NOVA1: variants seen among roughly 807,000 people sequenced by gnomAD.
The protein encoded by NOVA1 is RNA-binding protein Nova-1.
A neutral mutation model predicts 38.0 loss-of-function variants in NOVA1; 7 were observed. The observed-to-expected ratio is 0.18, with a 90% CI of 0.10 to 0.35. The LOEUF (loss-of-function observed/expected upper bound fraction) is 0.35, where lower values mean the gene tolerates loss of function less well. Ranked by LOEUF, NOVA1 falls within the 10% of genes least tolerant of loss-of-function variation. The pLI is 1.00. For synonymous variants in NOVA1, 270 were observed against 232.5 expected, an observed-to-expected ratio of 1.16 and a Z score of -1.47; for missense variants, 460 against 616.0, an observed-to-expected ratio of 0.75 and a Z score of 2.68.
At chr14:26,476,804 C>T (rs1191451452) in intron 3 of NOVA1, among the ~76,000 whole-genome samples, 4 of 147,818 alleles carry the variant, frequency 2.7e-5, no homozygotes, top group East Asian at 3.9e-4. Context: ...GCAACCTCCA[C>T]AACCAGGGTT....
intron 4 of NOVA1, among the ~76,000 whole-genome samples, chr14:26,471,381 T>C (rs1029167629): frequency 5.9e-5 from 9 of 151,884 alleles, no homozygotes; most frequent in Non-Finnish European, 1.2e-4. Flanking sequence ...GTTAGTCAAC[T>C]ATATGAAAAA....
chr14:26,506,084 C>A (rs1161023495), intron 2 of NOVA1, among the ~76,000 whole-genome samples: 3 of 152,028 alleles, frequency 2.0e-5, no homozygotes, highest in Admixed American at 6.5e-5. Flanking sequence ...CAAATAGCAC[C>A]ATCAGTTAAA....
intron 2 of NOVA1, among the ~76,000 whole-genome samples, chr14:26,578,735 A>T (rs1661421350): frequency 6.6e-6 from 1 of 152,174 alleles, no homozygotes; most frequent in Non-Finnish European, 1.5e-5. Flanking sequence ...AAAGTAAAAA[A>T]TATTACAAAT....
At chr14:26,476,919 T>G (rs1367854597) in intron 3 of NOVA1, among the ~76,000 whole-genome samples, 1 of 149,632 alleles carries the variant, frequency 6.7e-6, no homozygotes, top group Non-Finnish European at 1.5e-5. Flanking sequence ...TTCTCTATGT[T>G]GGTCAGGCTG....
intron 1 of NOVA1, chr14:26,596,197 T>G (rs1894175883): frequency 4.2e-6 from 1 of 237,416 alleles, no homozygotes; most frequent in African/African-American, 2.3e-5. Context: ...CTTTAGCACT[T>G]CTTAGTCTAC....
chr14:26,524,114 T>A (rs1176504437), intron 2 of NOVA1, among the ~76,000 whole-genome samples: 2 of 152,144 alleles, frequency 1.3e-5, no homozygotes, highest in Non-Finnish European at 1.5e-5. Context: ...AGTGGTAAGA[T>A]TTGGCTTACT....
At chr14:26,533,483 C>A (rs1369458821) in intron 2 of NOVA1, among the ~76,000 whole-genome samples, 3 of 152,148 alleles carry the variant, frequency 2.0e-5, no homozygotes, top group Non-Finnish European at 4.4e-5. Flanking sequence ...GGTACAAATT[C>A]AGGAATAATC....
chr14:26,595,136 T>C (rs1894109270), intron 2 of NOVA1, among the ~76,000 whole-genome samples: 2 of 152,148 alleles, frequency 1.3e-5, no homozygotes, highest in South Asian at 4.1e-4. Context: ...ATCTTTAAAT[T>C]TTTGAGTTTT....
At chr14:26,582,553 C>T (rs1164546438) in intron 2 of NOVA1, among the ~76,000 whole-genome samples, 1 of 151,672 alleles carries the variant, frequency 6.6e-6, no homozygotes, top group East Asian at 1.9e-4. Flanking sequence ...GTGAACAATT[C>T]TCAATTATGT....
intron 2 of NOVA1, among the ~76,000 whole-genome samples, chr14:26,577,550 T>C (rs961704736): frequency 5.9e-5 from 9 of 152,144 alleles, no homozygotes; most frequent in Non-Finnish European, 1.3e-4. Flanking sequence ...TTCTGTAACA[T>C]TTACTTTTGT....
intron 2 of NOVA1, among the ~76,000 whole-genome samples, chr14:26,544,416 A>G (rs1236255214): frequency 6.6e-6 from 1 of 151,796 alleles, no homozygotes; most frequent in Non-Finnish European, 1.5e-5. Flanking sequence ...CCTACTTCTA[A>G]TCCCTGAACT....
chr14:26,479,827 T>C (rs1276012497), intron 3 of NOVA1, 150 bp downstream of exon 3: 2 of 732,818 alleles, frequency 2.7e-6, no homozygotes, highest in Non-Finnish European at 4.4e-6. Flanking sequence ...GATGAGACCT[T>C]GATAGTCTTT....
intron 2 of NOVA1, among the ~76,000 whole-genome samples, chr14:26,518,971 T>C (rs546394577): frequency 1.4e-4 from 22 of 152,060 alleles, no homozygotes; most frequent in Non-Finnish European, 2.9e-4. Context: ...TATGGTACTA[T>C]AGAGTTGCTT....
At chr14:26,594,915 C>A (rs1894088127) in intron 2 of NOVA1, among the ~76,000 whole-genome samples, 1 of 152,020 alleles carries the variant, frequency 6.6e-6, no homozygotes, top group African/African-American at 2.4e-5. Flanking sequence ...TCTGAAGAGG[C>A]AACACTTGTC....
intron 4 of NOVA1, among the ~76,000 whole-genome samples, chr14:26,466,671 T>G (rs1425135611): frequency 6.6e-6 from 1 of 152,244 alleles, no homozygotes; most frequent in Non-Finnish European, 1.5e-5. Flanking sequence ...CCAAAATTCA[T>G]GTGTTGGAAA....
chr14:26,523,807 G>A (rs373864034), intron 2 of NOVA1, among the ~76,000 whole-genome samples: 2 of 140,256 alleles, frequency 1.4e-5, no homozygotes, highest in Non-Finnish European at 1.5e-5. Context: ...CTGGTGTGCA[G>A]TGGCACAATC....
intron 4 of NOVA1, among the ~76,000 whole-genome samples, chr14:26,458,157 A>T (rs564088008): frequency 2.0e-5 from 3 of 152,214 alleles, no homozygotes; most frequent in Admixed American, 6.5e-5. Flanking sequence ...CAGAATGGTT[A>T]TTAAAAAGCC....
intron 2 of NOVA1, among the ~76,000 whole-genome samples, chr14:26,488,194 T>C (rs1233530785): frequency 6.6e-6 from 1 of 152,196 alleles, no homozygotes; most frequent in Non-Finnish European, 1.5e-5. Flanking sequence ...ACATGCTTAA[T>C]CCAAAGTCAA....
intron 2 of NOVA1, among the ~76,000 whole-genome samples, chr14:26,522,928 T>C (rs1275017494): frequency 6.6e-6 from 1 of 152,218 alleles, no homozygotes; most frequent in Non-Finnish European, 1.5e-5. Context: ...CACCATTAGC[T>C]TCAACTCATC....
Sources: gnomAD v4.1 joint callset for allele counts (sites outside exome capture counted in the v4.1 genomes callset) on GRCh38, gnomAD v4.1.1 for gene constraint, MANE v1.5 for transcripts, NCBI Gene and HGNC (gene_info 2026-07-23, HGNC 2026-07-21) for gene names.